BEND7: variants seen among roughly 807,000 people sequenced by gnomAD.
BEND7 encodes the protein BEN domain-containing protein 7.
In BEND7, 28 loss-of-function variants were observed where a neutral mutation model predicts 50.9. The ratio of observed to expected loss-of-function variants is 0.55; its 90% CI spans 0.41 to 0.75. The LOEUF is 0.75. BEND7 is among the 30% of genes least tolerant of loss of function. The pLI, the probability that BEND7 is intolerant of heterozygous loss-of-function variation, is 0.00. For synonymous variants in BEND7, 170 were observed against 183.9 expected, an observed-to-expected ratio of 0.92 and a Z score of 0.61; for missense variants, 477 against 491.3, an observed-to-expected ratio of 0.97 and a Z score of 0.28.
chr10:13,497,497 G>A (rs780054396), intron 3 of BEND7, among the ~76,000 whole-genome samples: 2 of 152,176 alleles, frequency 1.3e-5, no homozygotes, highest in African/African-American at 4.8e-5. Context: ...GAGGGTATTG[G>A]TGGGCTGGCT....
chr10:13,480,691 C>G, intron 6 of BEND7: 7 of 985,204 alleles, frequency 7.1e-6, no homozygotes, highest in Non-Finnish European at 7.2e-6. Flanking sequence ...ATTATTTCAA[C>G]AAATTAACAT....
intron 2 of BEND7, among the ~76,000 whole-genome samples, chr10:13,515,401 T>TA: frequency 6.6e-6 from 1 of 152,208 alleles, no homozygotes; most frequent in East Asian, 1.9e-4. Context: ...TGATTTCAAG[T>TA]AAAAAACATT....
intron 6 of BEND7, among the ~76,000 whole-genome samples, chr10:13,477,201 ACTC>A (rs1319528920): frequency 1.3e-5 from 2 of 152,106 alleles, no homozygotes; most frequent in African/African-American, 4.8e-5. Context: ...ACAAAATTGA[ACTC>A]CTACTGTTAT....
At chr10:13,514,307 C>T (rs1018188654) in intron 2 of BEND7, among the ~76,000 whole-genome samples, 2 of 152,154 alleles carry the variant, frequency 1.3e-5, no homozygotes, top group African/African-American at 2.4e-5. Flanking sequence ...GGAAAGCTGA[C>T]GGAAAACCAC....
chr10:13,525,468 G>A (rs893234509), intron 2 of BEND7, among the ~76,000 whole-genome samples: 1 of 152,174 alleles, frequency 6.6e-6, no homozygotes, highest in African/African-American at 2.4e-5. Flanking sequence ...GAACAAGGAT[G>A]GTAAGAGGAA....
At position 13,481,052 on chromosome 10, in the gene BEND7, A is replaced by G. The variant is rs371441138; in HGVS notation, c.910T>C (p.Tyr304His). The change falls in exon 6 of 9, where the codon TAC (tyrosine) becomes CAC (histidine). Residue 304 changes from tyrosine (Y) to histidine (H), a missense_variant. By Grantham distance (83) the Tyr-to-His change is moderately conservative. This residue lies in a region of BEND7 where 396 missense variants were observed against 384.2 expected (regional missense o/e 1.03). Coordinates refer to ENST00000466271, the MANE Select transcript of BEND7 (RefSeq NM_001369863.1). ...AACAGAAGGCTTCCTGAGCGAGTGT[A>G]GTTTGACAATATAGAGTCCAGCTGA... ...KSQLDSILSN[Y>H]TRSGSLLFRK... is the part of the protein sequence containing the mutation. 16 of 1,614,194 alleles carry G rather than the reference A, an allele frequency of 9.9e-6. No individual in the cohort carries two copies. Among genetic ancestry groups the G allele is most frequent in the Non-Finnish European group, 1.4e-5 (16 of 1,180,034 alleles).
intron 2 of BEND7, among the ~76,000 whole-genome samples, chr10:13,503,733 AAAC>A (rs1456097078): frequency 6.6e-6 from 1 of 152,098 alleles, no homozygotes; most frequent in Non-Finnish European, 1.5e-5. Context: ...ACAAACAAAC[AAAC>A]AACAACTAAA....
intron 5 of BEND7, among the ~76,000 whole-genome samples, chr10:13,484,887 A>G (rs1308391712): frequency 3.3e-5 from 5 of 152,152 alleles, no homozygotes; most frequent in Non-Finnish European, 7.4e-5. Flanking sequence ...TTCCTTATTC[A>G]TCTCACACTG....
intron 2 of BEND7, chr10:13,500,858 C>T (rs2077393195): frequency 1.0e-6 from 1 of 985,112 alleles, no homozygotes; most frequent in Non-Finnish European, 1.2e-6. Flanking sequence ...GTGCAACCTC[C>T]CCACCGTGCC....
intron 4 of BEND7, among the ~76,000 whole-genome samples, chr10:13,495,515 A>T (rs753870545): frequency 2.6e-5 from 4 of 152,200 alleles, no homozygotes; most frequent in Non-Finnish European, 5.9e-5. Context: ...TACAAAAATT[A>T]GCCAGGCGTG....
At chr10:13,453,417 C>A (rs1838230255) in intron 6 of BEND7, among the ~76,000 whole-genome samples, 1 of 152,082 alleles carries the variant, frequency 6.6e-6, no homozygotes, top group Non-Finnish European at 1.5e-5. Context: ...CATCACACTG[C>A]CTCCTTGGTA....
chr10:13,506,783 C>T (rs2077927689), intron 2 of BEND7, among the ~76,000 whole-genome samples: 1 of 151,988 alleles, frequency 6.6e-6, no homozygotes. Context: ...GAGAGAGACA[C>T]TGAAGAAGTT....
In BEND7 at chr10:13,441,644, T is replaced by G; in HGVS notation, c.*99A>C. On this transcript the variant is annotated 3_prime_UTR_variant, in exon 9 of 9. Transcript: ENST00000466271. Reference sequence around the variant, plus strand: ...ACGGCGAAAGGTCACCAATTAATCTTCTCCCTTCCCTTGGGTAGTAGCTCC... The same window carrying G: ...ACGGCGAAAGGTCACCAATTAATCTGCTCCCTTCCCTTGGGTAGTAGCTCC... 6.3e-7 allele frequency: 1 copy of G among 1,593,900 alleles called. No homozygotes were observed. The highest frequency in any genetic ancestry group is 8.5e-7 in the Non-Finnish European group (1 of 1,172,028).
At chr10:13,442,856 T>C (rs1268738645) in intron 8 of BEND7, 2 of 152,230 alleles carry the variant, frequency 1.3e-5, no homozygotes, top group Admixed American at 6.5e-5. Context: ...GATTTCATCT[T>C]ACAGGTCAGA....
chr10:13,517,286 G>A (rs1476666552), intron 2 of BEND7, among the ~76,000 whole-genome samples: 1 of 151,972 alleles, frequency 6.6e-6, no homozygotes, highest in African/African-American at 2.4e-5. Context: ...TGTCAATGAG[G>A]TGAGGAAGTG....
At chr10:13,440,779 G>A (rs1278421411), downstream of BEND7, among the ~76,000 whole-genome samples, 4 of 152,262 alleles carry the variant, frequency 2.6e-5, no homozygotes, top group African/African-American at 4.8e-5. Flanking sequence ...TTTAAGTGAA[G>A]ATTATAAAGC....
intron 5 of BEND7, among the ~76,000 whole-genome samples, chr10:13,486,255 T>C (rs868324303): frequency 7.2e-5 from 11 of 152,342 alleles, no homozygotes; most frequent in Middle Eastern, 6.8e-3. Context: ...GTTTCAACTC[T>C]TGGCCTCAAG....
At chr10:13,517,118 G>A (rs2078740357) in intron 2 of BEND7, among the ~76,000 whole-genome samples, 1 of 148,922 alleles carries the variant, frequency 6.7e-6, no homozygotes, top group African/African-American at 2.5e-5. Flanking sequence ...AGGCTGGAGT[G>A]CAATGGTGCT....
chr10:13,513,304 C>G (rs540054021), intron 2 of BEND7, among the ~76,000 whole-genome samples: 4 of 152,142 alleles, frequency 2.6e-5, no homozygotes, highest in African/African-American at 9.7e-5. Context: ...CTGGATTCAC[C>G]GTCCTCTCTC....
Sources: allele counts gnomAD v4.1 joint callset (sites outside exome capture counted in the v4.1 genomes callset), GRCh38; gene constraint gnomAD v4.1.1; regional missense constraint gnomAD v4.1.1; transcripts MANE v1.5; gene names NCBI Gene and HGNC (gene_info 2026-07-23, HGNC 2026-07-21).